CYP20A1: variants seen among roughly 807,000 people sequenced by gnomAD.
The protein encoded by CYP20A1 is cytochrome P450 family 20 subfamily A member 1.
CYP20A1 carries 61 observed loss-of-function variants against 61.4 expected under a neutral mutation model. That is an observed-to-expected ratio of 0.99 (90% CI 0.81 to 1.23). The LOEUF is 1.23. Among genes scored for constraint, CYP20A1 ranks in the 50% most tolerant of loss-of-function variants. CYP20A1 has a pLI of 0.00. For missense variants in CYP20A1, 530 were observed against 542.4 expected, an observed-to-expected ratio of 0.98 and a Z score of 0.23; for synonymous variants, 193 against 188.2, an observed-to-expected ratio of 1.03 and a Z score of -0.21.
chr2:203,242,887 A>G (rs756650151), intron 1 of CYP20A1, among the ~76,000 whole-genome samples: 1 of 152,048 alleles, frequency 6.6e-6, no homozygotes, highest in African/African-American at 2.4e-5. Flanking sequence ...TGTCATAATC[A>G]TCTAGCAAAC....
At position 203,239,098 on chromosome 2, in the gene CYP20A1, G is replaced by T. The variant is rs1220198320; in HGVS notation, c.36G>T (p.Leu12Phe). 1.2e-6 allele frequency: 2 copies of T among 1,613,690 alleles called. No homozygotes were observed. Among genetic ancestry groups the T allele is most frequent in the Non-Finnish European group, 8.5e-7 (1 of 1,179,850 alleles). The part of the protein sequence containing the change: ...LDFAIFAVTF[L>F]LALVGAVLYL... The stretch of plus-strand genomic sequence containing the variant: ...TCGCGATCTTCGCCGTTACCTTCTT[G>T]CTGGCGTTGGTGGGAGCCGTGCTCT... The change falls in exon 1 of 13, where the codon TTG becomes TTT. Residue 12 changes from leucine (L) to phenylalanine (F), a missense_variant. By Grantham distance (22) the Leu-to-Phe change is conservative (BLOSUM62 0). Coordinates refer to ENST00000356079, the MANE Select transcript of CYP20A1 (RefSeq NM_177538.3).
In CYP20A1 at chr2:203,302,342, G is replaced by A. The variant is rs2069055266; in HGVS notation, c.*5434G>A. Among the ~76,000 whole-genome samples the A allele has an allele frequency of 6.6e-6, 1 of 152,154 alleles. No homozygotes were observed. Among genetic ancestry groups the A allele is most frequent in the Admixed American group, 6.5e-5 (1 of 15,274 alleles). On this transcript the variant is annotated 3_prime_UTR_variant, in exon 13 of 13. Transcript: ENST00000356079. ...GCTTTTAGAAGTTTGAGACCAGCCT[G>A]GGCAACGTGGCAAAAGCTTGTTTCT...
At chr2:203,290,002 G>A (rs1447527794) in intron 10 of CYP20A1, 126 bp downstream of exon 10, 10 of 353,782 alleles carry the variant, frequency 2.8e-5, no homozygotes, top group Admixed American at 4.8e-5. Context: ...GTGCAATGGC[G>A]CGATCTTGGC....
intron 4 of CYP20A1, among the ~76,000 whole-genome samples, chr2:203,262,467 A>G (rs1027919533): frequency 1.2e-4 from 18 of 151,860 alleles, no homozygotes; most frequent in African/African-American, 4.1e-4. Context: ...ACATGAACCA[A>G]CTTTTTTTTC....
rs753140396 is a variant in CYP20A1, at chr2:203,292,243, G to A, written c.1084-19G>A. 2.5e-6 allele frequency: 4 copies of A among 1,588,628 alleles called. No homozygotes were observed. The East Asian group carries it at 9.0e-5, about 36-fold the overall frequency. On this transcript the variant is annotated intron_variant, in intron 10 of 12. Transcript: ENST00000356079. Reference sequence around the variant, plus strand: ...TATCTCTGTTAGTCCTTGACTAATTGGATTTTTTTTTTTCACAGACCCTCG... The same window carrying A: ...TATCTCTGTTAGTCCTTGACTAATTAGATTTTTTTTTTTCACAGACCCTCG...
At chr2:203,266,747 C>T in intron 5 of CYP20A1, 66 bp downstream of exon 5, 1 of 1,389,788 alleles carries the variant, frequency 7.2e-7, no homozygotes. Context: ...ACCTGTAATC[C>T]CAGCACTTTG....
At chr2:203,291,998 G>A (rs2068557290) in intron 10 of CYP20A1, among the ~76,000 whole-genome samples, 1 of 152,052 alleles carries the variant, frequency 6.6e-6, no homozygotes. Context: ...TCCCTACAAA[G>A]GACATGAACT....
Position 203,304,167 on chromosome 2 carries a change from G to A in CYP20A1, c.*7259G>A, listed in dbSNP as rs540206003. ...GTGGAGGTTGCAGTGTGCCGAGATCGCACCACTGTACTCCAGCCTAGGTGA... is the reference window on the plus strand; with the variant it reads ...GTGGAGGTTGCAGTGTGCCGAGATCACACCACTGTACTCCAGCCTAGGTGA... On this transcript the variant is annotated 3_prime_UTR_variant, in exon 13 of 13. Coordinates refer to ENST00000356079, the MANE Select transcript of CYP20A1 (RefSeq NM_177538.3). Among the ~76,000 whole-genome samples, 1 of 152,066 alleles carries A rather than the reference G, an allele frequency of 6.6e-6. No individual in the cohort carries two copies. Among genetic ancestry groups the A allele is most frequent in the Non-Finnish European group, 1.5e-5 (1 of 67,996 alleles).
In CYP20A1 at chr2:203,296,563, G is replaced by A. The variant is rs1381078491; in HGVS notation, c.1238G>A (p.Arg413Lys). 6.9e-6 allele frequency: 11 copies of A among 1,604,778 alleles called. No homozygotes were observed. Among genetic ancestry groups the A allele is most frequent in the South Asian group, 6.7e-5 (6 of 89,720 alleles). ...FSGTQECPEL[R>K]FAYMVTTVLL... ...GGCACACAGGAGTGTCCAGAGTTGA[G>A]GTGAATAATAGAATGCCAGACTCTG... The change falls in exon 12 of 13, where the codon AGG (arginine) becomes AAG (lysine). Residue 413 changes from arginine to lysine, a missense_variant and splice_region_variant. Transcript: ENST00000356079.
intron 6 of CYP20A1, among the ~76,000 whole-genome samples, chr2:203,275,231 A>G (rs934981582): frequency 6.6e-6 from 1 of 152,230 alleles, no homozygotes. Flanking sequence ...AATGTACAAC[A>G]GTAGTTCCCA....
chr2:203,286,159 C>T (rs1188819683), intron 9 of CYP20A1, among the ~76,000 whole-genome samples: 7 of 152,108 alleles, frequency 4.6e-5, no homozygotes, highest in African/African-American at 1.2e-4. Context: ...TGTGCTGGGA[C>T]GTGCCTGTAG....
chr2:203,242,313 A>C (rs908499909), intron 1 of CYP20A1, among the ~76,000 whole-genome samples: 5 of 152,132 alleles, frequency 3.3e-5, no homozygotes, highest in African/African-American at 1.2e-4. Context: ...GTTTCAGTGT[A>C]ATTGGGGTGA....
At chr2:203,257,630 A>G (rs932730910) in intron 4 of CYP20A1, among the ~76,000 whole-genome samples, 2 of 151,994 alleles carry the variant, frequency 1.3e-5, no homozygotes, top group African/African-American at 4.8e-5. Flanking sequence ...TCTACTAAAA[A>G]TACAAAAAAT....
chr2:203,305,959 C>A lies in CYP20A1; in HGVS notation c.*9051C>A, dbSNP rs1161755223. On this transcript the variant is annotated 3_prime_UTR_variant, in exon 13 of 13. Coordinates refer to ENST00000356079, the MANE Select transcript of CYP20A1 (RefSeq NM_177538.3). The stretch of plus-strand genomic sequence containing the variant: ...GTTGTATGCCTGCCTTCCACTCATG[C>A]CTGTGTTAGATGTGAACATAGATTT... Among the ~76,000 whole-genome samples the A allele has an allele frequency of 6.6e-6, 1 of 152,112 alleles. No homozygotes were observed. Among genetic ancestry groups the A allele is most frequent in the Non-Finnish European group, 1.5e-5 (1 of 68,014 alleles).
chr2:203,272,739 T>C lies in CYP20A1; in HGVS notation c.670T>C (p.Tyr224His). 1 of 1,597,654 alleles carries C rather than the reference T, an allele frequency of 6.3e-7. No individual in the cohort carries two copies. The highest frequency in any genetic ancestry group is 1.1e-5 in the South Asian group (1 of 87,416). ...TAAAAACATGACTCGGAAAAAACAA[T>C]ATGAAGATGGTAAGTTTGGTCACTT... ...LDKNMTRKKQYEDALMQLESV... is the reference protein window; with the variant it reads ...LDKNMTRKKQHEDALMQLESV... The change falls in exon 6 of 13, where the codon TAT becomes CAT. Residue 224 changes from tyrosine (Y) to histidine (H), a missense_variant. Coordinates refer to ENST00000356079, the MANE Select transcript of CYP20A1 (RefSeq NM_177538.3).
At chr2:203,288,916 G>A (rs945843120) in intron 9 of CYP20A1, among the ~76,000 whole-genome samples, 2 of 152,164 alleles carry the variant, frequency 1.3e-5, no homozygotes, top group Non-Finnish European at 2.9e-5. Flanking sequence ...ATAAGATCCT[G>A]TATATAGAGC....
chr2:203,263,638 A>G (rs2067224161), intron 4 of CYP20A1, among the ~76,000 whole-genome samples: 1 of 152,186 alleles, frequency 6.6e-6, no homozygotes, highest in South Asian at 2.1e-4. Context: ...AGTTCAAAAT[A>G]GTTTCTAATT....
chr2:203,247,231 A>T (rs1168990836), intron 3 of CYP20A1, among the ~76,000 whole-genome samples: 1 of 152,188 alleles, frequency 6.6e-6, no homozygotes, highest in East Asian at 1.9e-4. Flanking sequence ...ACTGTACTCC[A>T]GCCTGGGCGA....
chr2:203,280,166 G>T, intron 8 of CYP20A1, 53 bp downstream of exon 8: 1 of 1,423,796 alleles, frequency 7.0e-7, no homozygotes, highest in South Asian at 1.3e-5. Flanking sequence ...TATAGGCTGA[G>T]CACAGTGGCT....
Sources: gnomAD v4.1 joint callset for allele counts (sites outside exome capture counted in the v4.1 genomes callset) on GRCh38, gnomAD v4.1.1 for gene constraint, MANE v1.5 for transcripts, NCBI Gene and HGNC (gene_info 2026-07-23, HGNC 2026-07-21) for gene names.